Variants in USP34 observed in about 807,000 individuals in gnomAD.
The protein encoded by USP34 is ubiquitin carboxyl-terminal hydrolase 34.
Under a neutral mutation model 460.3 loss-of-function variants are expected in USP34, and 70 were observed. That is an observed-to-expected ratio of 0.15 (90% CI 0.13 to 0.19). The LOEUF (loss-of-function observed/expected upper bound fraction) is 0.19. Among genes scored for constraint, USP34 ranks in the 10% least tolerant of loss-of-function variants. The pLI is 1.00. For missense variants in USP34, 3,985 were observed against 4,236.2 expected (o/e 0.94, Z 1.65); for synonymous variants, 1,647 against 1,405.3 (o/e 1.17, Z -3.85).
At chr2:61,308,083 A>G (rs1690469888) in intron 27 of USP34, among the ~76,000 whole-genome samples, 2 of 152,104 alleles carry the variant, frequency 1.3e-5, no homozygotes, top group African/African-American at 4.8e-5. Flanking sequence ...AGTAACAGAA[A>G]GAAAGGGGGA....
In USP34 at chr2:61,348,134, T is replaced by G; in HGVS notation, c.2021A>C (p.Asp674Ala). Residue 674 changes from aspartate to alanine, a missense_variant, in exon 15 of 80, where the codon GAC becomes GCC. Physicochemically the swap from Asp to Ala is moderately radical, Grantham distance 126 (BLOSUM62 -2). Transcript: ENST00000398571. ...RNGTSSGTGK[D>A]LVFNTESLPS... ...CAATGATTCAGTGTTAAAAACCAGGTCCTTTCCTGTTCCGCTGCTTGTCCC... is the reference window on the plus strand; with the variant it reads ...CAATGATTCAGTGTTAAAAACCAGGGCCTTTCCTGTTCCGCTGCTTGTCCC... 3 of 1,614,186 alleles carry G rather than the reference T, an allele frequency of 1.9e-6. No individual in the cohort carries two copies. The highest frequency in any genetic ancestry group is 2.5e-6 in the Non-Finnish European group (3 of 1,180,034).
intron 53 of USP34, among the ~76,000 whole-genome samples, chr2:61,239,272 A>C (rs1344936023): frequency 2.0e-5 from 3 of 148,674 alleles, no homozygotes; most frequent in Non-Finnish European, 4.4e-5. Flanking sequence ...GAAATGATTA[A>C]GCTTCCTCAC....
intron 41 of USP34, among the ~76,000 whole-genome samples, chr2:61,277,308 C>G (rs1689400646): frequency 6.7e-6 from 1 of 150,148 alleles, no homozygotes; most frequent in Non-Finnish European, 1.5e-5. Context: ...GTGATCATGG[C>G]TCACTGAAGC....
At chr2:61,199,417 A>G (rs1686903952) in intron 75 of USP34, among the ~76,000 whole-genome samples, 1 of 152,018 alleles carries the variant, frequency 6.6e-6, no homozygotes, top group African/African-American at 2.4e-5. Flanking sequence ...CACCACGCCC[A>G]GCTAATTTTT....
At chr2:61,369,638 G>A (rs1388658523) in intron 10 of USP34, among the ~76,000 whole-genome samples, 4 of 67,704 alleles carry the variant, frequency 5.9e-5, no homozygotes, top group Non-Finnish European at 1.0e-4. Flanking sequence ...GCAAGATTCC[G>A]TCTCAAAAAA....
At chr2:61,232,842 T>TTATATA (rs150827710) in intron 57 of USP34, among the ~76,000 whole-genome samples, 1 of 100,636 alleles carries the variant, frequency 9.9e-6, no homozygotes, top group African/African-American at 4.0e-5. Flanking sequence ...TTCTTATTAA[T>TTATATA]TATATATATA....
At chr2:61,326,371 C>T (rs947230817) in intron 20 of USP34, among the ~76,000 whole-genome samples, 4 of 152,002 alleles carry the variant, frequency 2.6e-5, no homozygotes, top group East Asian at 1.9e-4. Context: ...GCTAGGCGTG[C>T]GCCACCACAC....
At chr2:61,257,157 A>G (rs745733902) in intron 45 of USP34, 47 bp downstream of exon 45, 2 of 1,581,512 alleles carry the variant, frequency 1.3e-6, no homozygotes, top group East Asian at 4.5e-5. Context: ...AAACGCAGGC[A>G]AATTTGTTCA....
At chr2:61,356,483 A>G (rs370744461) in intron 10 of USP34, among the ~76,000 whole-genome samples, 21,794 of 143,126 alleles carry the variant, frequency 0.15, 2,074 homozygotes, top group South Asian at 0.39. Context: ...GCGCACACAC[A>G]CACACACACA....
intron 8 of USP34, among the ~76,000 whole-genome samples, chr2:61,375,768 CAAAAAAA>C (rs56304309): frequency 8.2e-4 from 66 of 80,868 alleles, no homozygotes; most frequent in African/African-American, 1.3e-3. Context: ...GACTCTGTCT[CAAAAAAA>C]AAAAAAAAAA....
chr2:61,385,934 T>C (rs1193449726), intron 5 of USP34, among the ~76,000 whole-genome samples: 2 of 148,756 alleles, frequency 1.3e-5, no homozygotes, highest in African/African-American at 5.0e-5. Flanking sequence ...GAGGTGGAGG[T>C]TGCAGTAAGC....
At chr2:61,241,040 C>T (rs1274681435) in intron 53 of USP34, among the ~76,000 whole-genome samples, 4 of 151,962 alleles carry the variant, frequency 2.6e-5, no homozygotes, top group African/African-American at 9.7e-5. Context: ...CTCAACCTTT[C>T]TGCCACCTTT....
chr2:61,264,347 T>C (rs1270191265), intron 43 of USP34, among the ~76,000 whole-genome samples: 3 of 152,116 alleles, frequency 2.0e-5, no homozygotes, highest in Non-Finnish European at 4.4e-5. Flanking sequence ...AAAGATAACA[T>C]GATGAGGCCA....
chr2:61,411,529 A>G (rs1694040117), intron 2 of USP34, among the ~76,000 whole-genome samples: 1 of 152,198 alleles, frequency 6.6e-6, no homozygotes, highest in Non-Finnish European at 1.5e-5. Flanking sequence ...TACTTCTTTT[A>G]AATGTCTTTT....
intron 30 of USP34, 91 bp from the exon 31 acceptor site, chr2:61,295,381 C>G: frequency 3.7e-6 from 5 of 1,339,690 alleles, no homozygotes. Context: ...CATAAAAACT[C>G]AAAATATTAT....
At chr2:61,247,527 G>GA (rs923234251) in intron 49 of USP34, among the ~76,000 whole-genome samples, 2 of 152,062 alleles carry the variant, frequency 1.3e-5, no homozygotes, top group African/African-American at 4.8e-5. Flanking sequence ...TACTCTTCCA[G>GA]AAAAAAATTT....
intron 48 of USP34, among the ~76,000 whole-genome samples, chr2:61,251,839 A>G (rs2103883689): frequency 6.6e-6 from 1 of 152,146 alleles, no homozygotes; most frequent in African/African-American, 2.4e-5. Flanking sequence ...CCATTTGGAC[A>G]TTTTTTTCTT....
At chr2:61,215,319 A>G (rs1377592130) in intron 67 of USP34, among the ~76,000 whole-genome samples, 3 of 152,220 alleles carry the variant, frequency 2.0e-5, no homozygotes, top group African/African-American at 7.2e-5. Context: ...TTGTAACCAG[A>G]TAATATATAT....
At chr2:61,229,463 AAAAAAAAAAAAAC>A (rs1255338662) in intron 59 of USP34, 72 bp downstream of exon 59, 449 of 661,204 alleles carry the variant, frequency 6.8e-4, no homozygotes, top group South Asian at 1.2e-3. Context: ...CTCTTAAAAA[AAAAAAAAAAAAAC>A]AAAAAAAAAA....
Sources: gnomAD v4.1 joint callset for allele counts (sites outside exome capture counted in the v4.1 genomes callset) on GRCh38, gnomAD v4.1.1 for gene constraint, MANE v1.5 for transcripts, NCBI Gene and HGNC (gene_info 2026-07-23, HGNC 2026-07-21) for gene names.